The following GOLGA2 variants were observed in gnomAD, a reference collection of about 807,000 sequenced individuals.
The protein encoded by GOLGA2 is golgin A2.
In GOLGA2, 49 loss-of-function variants were observed where a neutral mutation model predicts 148.8. The observed-to-expected ratio is 0.33, with a 90% CI of 0.26 to 0.42. The LOEUF (loss-of-function observed/expected upper bound fraction) is 0.42, where lower values mean the gene tolerates loss of function less well. GOLGA2 is among the 10% of genes least tolerant of loss of function. The pLI, the probability that GOLGA2 is intolerant of heterozygous loss-of-function variation, is 1.00. For missense variants in GOLGA2, 1,178 were observed against 1,304.6 expected, an observed-to-expected ratio of 0.90 and a Z score of 1.49; for synonymous variants, 501 against 511.8, an observed-to-expected ratio of 0.98 and a Z score of 0.28.
intron 12 of GOLGA2, among the ~76,000 whole-genome samples, chr9:128,263,817 T>C (rs1830423656): frequency 1.3e-5 from 2 of 151,850 alleles, no homozygotes. Context: ...CTTCCCAAAG[T>C]GTTGGGATTA....
At position 128,266,259 on chromosome 9, in the gene GOLGA2, T is replaced by C. The variant is rs944443447; in HGVS notation, c.681+28A>G. 1.9e-6 allele frequency: 3 copies of C among 1,593,954 alleles called. No homozygotes were observed. Among genetic ancestry groups the C allele is most frequent in the Admixed American group, 1.7e-5 (1 of 59,974 alleles). ...ATGCCCCCCAAACCCAGCAGTCATG[T>C]TGTGAGCAAACAAAGAAATCACGTT... On this transcript the variant is annotated intron_variant, in intron 9 of 26. Transcript: ENST00000611957. The surrounding 1 kb of genome is among the most constrained non-coding windows in gnomAD (Gnocchi z 4.2).
rs1830172821 is a variant in GOLGA2, at chr9:128,260,248, T to C, written c.1759-59A>G. 2.9e-6 allele frequency: 4 copies of C among 1,377,290 alleles called. No homozygotes were observed. Among genetic ancestry groups the C allele is most frequent in the Non-Finnish European group, 4.1e-6 (4 of 975,994 alleles). 85.3% of individuals were successfully genotyped at this position (1,377,290 alleles called of 1,614,324 possible). On this transcript the variant is annotated intron_variant, in intron 18 of 26. Coordinates refer to ENST00000611957, the MANE Select transcript of GOLGA2 (RefSeq NM_001366244.2). This position sits in a 1 kb window ranked among gnomAD's most constrained non-coding sequence, Gnocchi z 4.8. ...TGCAGCTGGAGACCCCAGAACTTGC[T>C]GCCTTGGTGTCTGCCTCCCATGGCA...
intron 12 of GOLGA2, 146 bp from the exon 13 acceptor site, chr9:128,263,238 A>G (rs1248505904): frequency 3.0e-6 from 2 of 677,068 alleles, no homozygotes; most frequent in Non-Finnish European, 5.4e-6. Flanking sequence ...TTCCAAGCCC[A>G]TGGTCTCATT....
intron 3 of GOLGA2, 28 bp from the exon 4 acceptor site, chr9:128,268,552 G>T (rs775928786): frequency 8.0e-7 from 1 of 1,247,298 alleles, no homozygotes; most frequent in South Asian, 1.2e-5. Flanking sequence ...AGGGGGTTAG[G>T]GGGCCATGCG....
rs1297426976 is a variant in GOLGA2, at chr9:128,258,358, G to A, written c.2289+97C>T. On this transcript the variant is annotated intron_variant, in intron 22 of 26. Transcript: ENST00000611957. This position sits in a 1 kb window ranked among gnomAD's most constrained non-coding sequence, Gnocchi z 6.6. ...GCTCCCAGGAAAGGGGTGAGGGTCCGAAGAAATCAGAAGGCCGGGAAACCA... is the reference window on the plus strand; with the variant it reads ...GCTCCCAGGAAAGGGGTGAGGGTCCAAAGAAATCAGAAGGCCGGGAAACCA... 14 of 1,261,866 alleles carry A rather than the reference G, an allele frequency of 1.1e-5. No individual in the cohort carries two copies. Among genetic ancestry groups the A allele is most frequent in the Admixed American group, 7.1e-5 (4 of 56,680 alleles). The allele number at this position is 1,261,866 out of a possible 1,614,324, so 78.2% of individuals were successfully genotyped here.
intron 12 of GOLGA2, among the ~76,000 whole-genome samples, 194 bp downstream of exon 12, chr9:128,265,391 A>C (rs1830530248): frequency 6.6e-6 from 1 of 152,136 alleles, no homozygotes; most frequent in African/African-American, 2.4e-5. Context: ...TTCACTCCCC[A>C]CAGTGCCCCC....
At chr9:128,259,947 G>A in intron 19 of GOLGA2, 129 bp downstream of exon 19, 2 of 713,896 alleles carry the variant, frequency 2.8e-6, no homozygotes, top group Non-Finnish European at 5.0e-6. Context: ...GCAAGAAACA[G>A]TCACAGGACT....
chr9:128,264,107 G>A lies in GOLGA2; in HGVS notation c.934-1015C>T, dbSNP rs545134662. Among the ~76,000 whole-genome samples the A allele has an allele frequency of 8.3e-4, 125 of 151,044 alleles. 1 individual carries two copies. Among genetic ancestry groups the A allele is most frequent in the Middle Eastern group, 6.8e-3 (2 of 292 alleles). On this transcript the variant is annotated intron_variant, in intron 12 of 26. Transcript: ENST00000611957. ...ATGAACCCGGGAGACAGAGCTTGCA[G>A]TGAGCCGAGATGGTGCCACTGCACT... is the stretch of plus-strand genomic sequence containing the variant.
chr9:128,273,581 C>T (rs143373718), intron 2 of GOLGA2: 46 of 511,114 alleles, frequency 9.0e-5, no homozygotes, highest in African/African-American at 8.2e-4. Flanking sequence ...GGACAGCAGG[C>T]CCTGTACTAG....
Position 128,262,556 on chromosome 9 carries a change from C to T in GOLGA2, c.1134+7G>A, listed in dbSNP as rs372646607. Reference sequence around the variant, plus strand: ...CTCCCACCACCCATGGGGCTGCAGCCTCTTGCCTGTTGAAGCAGGAGTTCC... The same window carrying T: ...CTCCCACCACCCATGGGGCTGCAGCTTCTTGCCTGTTGAAGCAGGAGTTCC... On this transcript the variant is annotated splice_region_variant and intron_variant, in intron 14 of 26. Transcript: ENST00000611957. 6 of 1,613,466 alleles carry T rather than the reference C, an allele frequency of 3.7e-6. No homozygotes were observed. The African/African-American group carries it at 6.7e-5, about 18-fold the overall frequency.
chr9:128,260,250 C>T lies in GOLGA2; in HGVS notation c.1759-61G>A, dbSNP rs940939323. 3 of 1,365,806 alleles carry T rather than the reference C, an allele frequency of 2.2e-6. No homozygotes were observed. The African/African-American group carries it at 4.3e-5, about 19-fold the overall frequency. 84.6% of individuals were successfully genotyped at this position (1,365,806 alleles called of 1,614,324 possible). On this transcript the variant is annotated intron_variant, in intron 18 of 26. Coordinates refer to ENST00000611957, the MANE Select transcript of GOLGA2 (RefSeq NM_001366244.2). The surrounding 1 kb of genome is among the most constrained non-coding windows in gnomAD (Gnocchi z 4.8). ...CAGCTGGAGACCCCAGAACTTGCTG[C>T]CTTGGTGTCTGCCTCCCATGGCACC...
chr9:128,257,917 A>G lies in GOLGA2; in HGVS notation c.2509-25T>C, dbSNP rs781382570. 2.5e-6 allele frequency: 4 copies of G among 1,611,694 alleles called. No homozygotes were observed. Among genetic ancestry groups the G allele is most frequent in the East Asian group, 4.5e-5 (2 of 44,842 alleles). On this transcript the variant is annotated intron_variant, in intron 23 of 26. Coordinates refer to ENST00000611957, the MANE Select transcript of GOLGA2 (RefSeq NM_001366244.2). The surrounding 1 kb of genome is among the most constrained non-coding windows in gnomAD (Gnocchi z 8.0). ...TCTGGAACCAAAATAATGGAGTCAT[A>G]TATCGGCAGCGACCTGCCCCGCCCC... is the stretch of plus-strand genomic sequence containing the variant.
rs763275013 is a variant in GOLGA2 at position 128,261,496 on chromosome 9, C to G, written c.1290G>C (p.Glu430Asp). The change falls in exon 16 of 27, where the codon GAG (glutamate) becomes GAC (aspartate). Residue 430 changes from glutamate (E) to aspartate (D), a missense_variant. Transcript: ENST00000611957. The surrounding 1 kb of genome is among the most constrained non-coding windows in gnomAD (Gnocchi z 5.7). ...RDKYAENLKG[E>D]SAMWRQRMQQ... ...GCATCCTCTGCCGCCACATGGCGCT[C>G]TCTCCTTTGAGATTCTCCGCATATT... 1.2e-6 allele frequency: 2 copies of G among 1,612,156 alleles called. No individual in the cohort carries two copies. The highest frequency in any genetic ancestry group is 1.7e-6 in the Non-Finnish European group (2 of 1,178,142).
chr9:128,260,601 C>G lies in GOLGA2; in HGVS notation c.1622G>C (p.Trp541Ser), dbSNP rs566301242. ...LLELERAAEL[W>S]GEQAEARRQI... The stretch of plus-strand genomic sequence containing the variant: ...CCTGCGCGCCTCCGCCTGCTCCCCC[C>G]AGAGCTCGGCCGCCCGCTCCAGCTC... Residue 541 changes from tryptophan (W) to serine (S), a missense_variant, in exon 18 of 27, where the codon TGG becomes TCG. Physicochemically the swap from Trp to Ser is radical, Grantham distance 177. Transcript: ENST00000611957. This position sits in a 1 kb window ranked among gnomAD's most constrained non-coding sequence, Gnocchi z 4.8. 9 of 1,611,388 alleles carry G rather than the reference C, an allele frequency of 5.6e-6. No homozygotes were observed. The highest frequency in any genetic ancestry group is 2.7e-5 in the African/African-American group (2 of 74,934).
chr9:128,270,528 G>A (rs1830875434), intron 3 of GOLGA2, among the ~76,000 whole-genome samples: 1 of 152,002 alleles, frequency 6.6e-6, no homozygotes, highest in Non-Finnish European at 1.5e-5. Context: ...TAGCCAAGAT[G>A]GAGTTTTTAA....
intron 3 of GOLGA2, among the ~76,000 whole-genome samples, chr9:128,270,670 A>C (rs1830884893): frequency 6.6e-6 from 1 of 152,190 alleles, no homozygotes; most frequent in Non-Finnish European, 1.5e-5. Flanking sequence ...CTGGAGTAGA[A>C]AACTTACATG....
Position 128,265,585 on chromosome 9 carries a change from CCT to C in GOLGA2, c.931_932del (p.Arg311ValfsTer24). On this transcript the variant is annotated frameshift_variant and splice_region_variant, in exon 12 of 27. Transcript: ENST00000611957. LOFTEE classifies it high-confidence loss of function. ...AVSTQQKKAD[R>X]YNKELTKERD... is the part of the protein sequence containing the mutation. Reference sequence around the variant, plus strand: ...GGACGGGGCAGGCAGTTGGACTCACCCTGTCTGCCTTCTTCTGCTGCGTGGAG... The same window carrying C: ...GGACGGGGCAGGCAGTTGGACTCACCGTCTGCCTTCTTCTGCTGCGTGGAG... 1.2e-6 allele frequency: 2 copies of C among 1,603,954 alleles called. No homozygotes were observed. The highest frequency in any genetic ancestry group is 1.7e-6 in the Non-Finnish European group (2 of 1,171,036).
At chr9:128,262,323 TAAAACAAAAC>T (rs146022758) in intron 14 of GOLGA2, among the ~76,000 whole-genome samples, 23 of 151,428 alleles carry the variant, frequency 1.5e-4, no homozygotes, top group Non-Finnish European at 2.5e-4. Flanking sequence ...CATGATGCTT[TAAAACAAAAC>T]AAAACAAAAC....
Position 128,257,389 on chromosome 9 carries a change from C to T in GOLGA2, c.2855G>A (p.Gly952Glu), listed in dbSNP as rs369208274. ...TSGAPAPQEL[G>E]AANQQGDLCE... ...CTCACCACCCTGCTGGTTGGCAGCC[C>T]CAAGTTCCTGGGGGGCTGGGGCCCC... is the stretch of plus-strand genomic sequence containing the variant. Residue 952 changes from glycine (G) to glutamate (E), a missense_variant, in exon 26 of 27, where the codon GGG becomes GAG. Coordinates refer to ENST00000611957, the MANE Select transcript of GOLGA2 (RefSeq NM_001366244.2). This position sits in a 1 kb window ranked among gnomAD's most constrained non-coding sequence, Gnocchi z 8.0. 154 of 1,612,990 alleles carry T rather than the reference C, an allele frequency of 9.5e-5. No individual in the cohort carries two copies. Among genetic ancestry groups the T allele is most frequent in the Non-Finnish European group, 1.3e-4 (149 of 1,180,026 alleles).
Sources: gnomAD v4.1 joint callset for allele counts (sites outside exome capture counted in the v4.1 genomes callset) on GRCh38, gnomAD v4.1.1 for gene constraint, Gnocchi (gnomAD v3.1) non-coding constraint, MANE v1.5 for transcripts, NCBI Gene and HGNC (gene_info 2026-07-23, HGNC 2026-07-21) for gene names.